Variants in RPS6KA5 observed in about 807,000 individuals in gnomAD.
RPS6KA5 encodes ribosomal protein S6 kinase A5, also known as ribosomal protein S6 kinase alpha-5.
RPS6KA5 carries 27 observed loss-of-function variants against 85.5 expected under a neutral mutation model. The observed-to-expected ratio is 0.32, with a 90% CI of 0.23 to 0.44. The LOEUF is 0.44. Ranked by LOEUF, RPS6KA5 falls within the 20% of genes least tolerant of loss-of-function variation. RPS6KA5 has a pLI of 1.00. For missense variants in RPS6KA5, 811 were observed against 980.9 expected, an observed-to-expected ratio of 0.83 and a Z score of 2.31; for synonymous variants, 334 against 348.2, an observed-to-expected ratio of 0.96 and a Z score of 0.46.
intron 1 of RPS6KA5, among the ~76,000 whole-genome samples, chr14:91,018,055 G>A (rs1286139): frequency 6.6e-6 from 1 of 151,966 alleles, no homozygotes; most frequent in African/African-American, 2.4e-5. Flanking sequence ...CTACAACAAC[G>A]CAATTCAGGC....
intron 3 of RPS6KA5, among the ~76,000 whole-genome samples, chr14:90,977,311 T>C (rs2039610293): frequency 6.6e-6 from 1 of 152,142 alleles, no homozygotes; most frequent in African/African-American, 2.4e-5. Context: ...ACAGATAAAA[T>C]CTTCAACGAT....
chr14:90,999,056 G>A (rs1277499219), intron 2 of RPS6KA5, among the ~76,000 whole-genome samples: 5 of 152,022 alleles, frequency 3.3e-5, no homozygotes, highest in Admixed American at 6.6e-5. Flanking sequence ...GGTGAAACCC[G>A]AATTAGCTGG....
rs551893492 is a variant in RPS6KA5, at chr14:90,936,515, T to C, written c.618+6563A>G. Among the ~76,000 whole-genome samples the C allele has an allele frequency of 2.6e-5, 4 of 152,166 alleles. No individual in the cohort carries two copies. The East Asian group carries it at 7.7e-4, about 29-fold the overall frequency. On this transcript the variant is annotated intron_variant, in intron 5 of 16. Coordinates refer to ENST00000614987, the MANE Select transcript of RPS6KA5 (RefSeq NM_004755.4). ...GGAGGCAGAAGTTGCAGTGAGCCGATCTTGCCACGCTGGGTGACAGACCAA... is the reference window on the plus strand; with the variant it reads ...GGAGGCAGAAGTTGCAGTGAGCCGACCTTGCCACGCTGGGTGACAGACCAA...
intron 5 of RPS6KA5, among the ~76,000 whole-genome samples, chr14:90,935,799 T>C (rs1444621388): frequency 6.6e-6 from 1 of 152,220 alleles, no homozygotes; most frequent in Non-Finnish European, 1.5e-5. Flanking sequence ...GGGATTCGTG[T>C]TAATGATCTG....
chr14:90,892,015 G>T lies in RPS6KA5; in HGVS notation c.1645-1337C>A, dbSNP rs1476352483. On this transcript the variant is annotated intron_variant, in intron 13 of 16. Transcript: ENST00000614987. ...TTTTAGTTCTTTTTTTTTTTTTTTTGAGAGAGACAGTCTTGCTCTGTTGCC... is the reference window on the plus strand; with the variant it reads ...TTTTAGTTCTTTTTTTTTTTTTTTTTAGAGAGACAGTCTTGCTCTGTTGCC... Among the ~76,000 whole-genome samples, 206 of 118,744 alleles carry T rather than the reference G, an allele frequency of 1.7e-3. 1 individual carries two copies. The highest frequency in any genetic ancestry group is 5.3e-3 in the African/African-American group (167 of 31,394). 77.9% of individuals were successfully genotyped at this position (118,744 alleles called of 152,430 possible). A position where few individuals can be genotyped will look rare whatever the true frequency, so the allele number is the denominator to read the frequency against.
chr14:90,920,797 T>A (rs1362535734), intron 6 of RPS6KA5, among the ~76,000 whole-genome samples: 4 of 152,122 alleles, frequency 2.6e-5, no homozygotes, highest in Middle Eastern at 6.8e-3. Context: ...TGGGAAGATC[T>A]AAAATAATAT....
intron 1 of RPS6KA5, among the ~76,000 whole-genome samples, chr14:91,050,150 G>A (rs2043015897): frequency 6.6e-6 from 1 of 152,162 alleles, no homozygotes; most frequent in Non-Finnish European, 1.5e-5. Flanking sequence ...GGCTGAGGCA[G>A]GAGGATTGCT....
intron 5 of RPS6KA5, among the ~76,000 whole-genome samples, chr14:90,936,403 A>G (rs1468062249): frequency 6.6e-6 from 1 of 152,144 alleles, no homozygotes; most frequent in Admixed American, 6.6e-5. Flanking sequence ...GTCTCTGCAA[A>G]AAATACAAAA....
In RPS6KA5 at chr14:90,971,973, T is replaced by C. The variant is rs77718101; in HGVS notation, c.394+6333A>G. Among the ~76,000 whole-genome samples the C allele has an allele frequency of 4.7e-4, 72 of 152,332 alleles. 1 individual carries two copies. The highest frequency in any genetic ancestry group is 1.7e-3 in the African/African-American group (71 of 41,586). On this transcript the variant is annotated intron_variant, in intron 3 of 16. Transcript: ENST00000614987. ...ATATAGAACTAATATATAAAAGTAA[T>C]AGCTTTCAGCTAGAAGGTATGGTGG...
At chr14:91,020,815 T>C (rs1255441822) in intron 1 of RPS6KA5, among the ~76,000 whole-genome samples, 2 of 152,138 alleles carry the variant, frequency 1.3e-5, no homozygotes, top group Non-Finnish European at 2.9e-5. Flanking sequence ...TCATTTCATC[T>C]GGAAGTTTCT....
intron 4 of RPS6KA5, among the ~76,000 whole-genome samples, chr14:90,946,403 C>CA (rs1179613580): frequency 1.3e-5 from 2 of 152,112 alleles, no homozygotes; most frequent in Non-Finnish European, 2.9e-5. Context: ...CTTCACCTGG[C>CA]AGGTCTGGTT....
intron 1 of RPS6KA5, among the ~76,000 whole-genome samples, chr14:91,022,201 G>A (rs963644988): frequency 6.6e-6 from 1 of 152,296 alleles, no homozygotes; most frequent in Non-Finnish European, 1.5e-5. Flanking sequence ...CTATTTGAAT[G>A]TGAAACTGAC....
intron 9 of RPS6KA5, among the ~76,000 whole-genome samples, chr14:90,901,812 A>C (rs1345045180): frequency 2.7e-5 from 4 of 150,894 alleles, no homozygotes; most frequent in African/African-American, 9.9e-5. Flanking sequence ...ATAAAATCTA[A>C]ATCTTTTTTT....
At chr14:91,025,342 T>C (rs2041950785) in intron 1 of RPS6KA5, among the ~76,000 whole-genome samples, 1 of 152,052 alleles carries the variant, frequency 6.6e-6, no homozygotes, top group Non-Finnish European at 1.5e-5. Flanking sequence ...CCACGCCCAG[T>C]CTCCTTTTTT....
chr14:91,034,925 G>GAAAAAAAAAAAAA (rs200013477), intron 1 of RPS6KA5, among the ~76,000 whole-genome samples: 1 of 145,114 alleles, frequency 6.9e-6, no homozygotes. Flanking sequence ...CCACAAAAAA[G>GAAAAAAAAAAAAA]AAAAAAAAAA....
At chr14:90,920,337 T>C (rs759337784) in intron 6 of RPS6KA5, 28 bp from the exon 7 acceptor site, 4 of 1,384,694 alleles carry the variant, frequency 2.9e-6, no homozygotes, top group African/African-American at 1.4e-5. Context: ...TTTCATTTTA[T>C]AGAATTATCA....
rs1230567663 is a variant in RPS6KA5 at position 90,870,617 on chromosome 14, A to T, written c.*1457T>A. 1 of 152,114 alleles carries T rather than the reference A, an allele frequency of 6.6e-6. No homozygotes were observed. The highest frequency in any genetic ancestry group is 1.5e-5 in the Non-Finnish European group (1 of 67,988). The allele number at this position is 152,114 out of a possible 1,614,324, so 9.4% of individuals were successfully genotyped here. A position where few individuals can be genotyped will look rare whatever the true frequency, so the allele number is the denominator to read the frequency against. ...TATAACCTCAAGAAAGGAATAAATA[A>T]ATATCATGTCCAAATTCCAAACTAA... On this transcript the variant is annotated 3_prime_UTR_variant, in exon 17 of 17. Transcript: ENST00000614987.
At chr14:90,883,720 C>T (rs1156359152) in intron 14 of RPS6KA5, among the ~76,000 whole-genome samples, 1 of 152,088 alleles carries the variant, frequency 6.6e-6, no homozygotes, top group Non-Finnish European at 1.5e-5. Flanking sequence ...AAAATGGGAC[C>T]TTGAACTTAA....
rs2033114542 is a variant in RPS6KA5 at position 90,871,520 on chromosome 14, T to C, written c.*554A>G. The C allele has an allele frequency of 6.6e-6, 1 of 151,162 alleles. No homozygotes were observed. The highest frequency in any genetic ancestry group is 6.6e-5 in the Admixed American group (1 of 15,144). 9.4% of individuals were successfully genotyped at this position (151,162 alleles called of 1,614,324 possible). A position where few individuals can be genotyped will look rare whatever the true frequency, so the allele number is the denominator to read the frequency against. On this transcript the variant is annotated 3_prime_UTR_variant, in exon 17 of 17. Coordinates refer to ENST00000614987, the MANE Select transcript of RPS6KA5 (RefSeq NM_004755.4). ...TTTTTTTTTCACTTTTTAGAAAAAGTTTAATAATAGCAGGTTATCATCATA... is the reference window on the plus strand; with the variant it reads ...TTTTTTTTTCACTTTTTAGAAAAAGCTTAATAATAGCAGGTTATCATCATA...
Sources: gnomAD v4.1 joint callset for allele counts (sites outside exome capture counted in the v4.1 genomes callset) on GRCh38, gnomAD v4.1.1 for gene constraint, MANE v1.5 for transcripts, NCBI Gene and HGNC (gene_info 2026-07-23, HGNC 2026-07-21) for gene names.